The following ARHGAP24 variants were observed in gnomAD, a reference collection of about 807,000 sequenced individuals.
The protein encoded by ARHGAP24 is Rho GTPase activating protein 24, also known as rho GTPase-activating protein 24.
Under a neutral mutation model 76.4 loss-of-function variants are expected in ARHGAP24, and 50 were observed. That is an observed-to-expected ratio of 0.65 (90% CI 0.52 to 0.83). The LOEUF (loss-of-function observed/expected upper bound fraction) is 0.83, where lower values mean the gene tolerates loss of function less well. ARHGAP24 is among the 40% of genes least tolerant of loss of function. The pLI, the probability that ARHGAP24 is intolerant of heterozygous loss-of-function variation, is 0.00. For synonymous variants in ARHGAP24, 345 were observed against 323.3 expected, an observed-to-expected ratio of 1.07 and a Z score of -0.72; for missense variants, 930 against 914.2, an observed-to-expected ratio of 1.02 and a Z score of -0.22.
At chr4:85,806,192 A>G (rs1728784104) in intron 3 of ARHGAP24, among the ~76,000 whole-genome samples, 1 of 152,152 alleles carries the variant, frequency 6.6e-6, no homozygotes, top group Non-Finnish European at 1.5e-5. Flanking sequence ...GACCTCAAAG[A>G]GTGATAAATT....
At chr4:85,867,082 T>C (rs1464457203) in intron 3 of ARHGAP24, among the ~76,000 whole-genome samples, 1 of 152,172 alleles carries the variant, frequency 6.6e-6, no homozygotes, top group Non-Finnish European at 1.5e-5. Context: ...CTTTTCAGCA[T>C]ACTAGACAGG....
chr4:85,772,690 G>A lies in ARHGAP24; in HGVS notation c.268+50718G>A, dbSNP rs189443016. Among the ~76,000 whole-genome samples the A allele has an allele frequency of 6.6e-5, 10 of 152,288 alleles. No homozygotes were observed. In the East Asian group the frequency reaches 1.9e-3, roughly 29 times the overall value. On this transcript the variant is annotated intron_variant, in intron 3 of 9. Coordinates refer to ENST00000395184, the MANE Select transcript of ARHGAP24 (RefSeq NM_001025616.3). The stretch of plus-strand genomic sequence containing the variant: ...GAATTTGATGAAAGATTTGTACTTT[G>A]CAAAGTAGCTAAACATGTAGTTCCA...
chr4:85,936,066 C>T (rs1173572649), intron 4 of ARHGAP24, among the ~76,000 whole-genome samples: 1 of 152,016 alleles, frequency 6.6e-6, no homozygotes, highest in East Asian at 1.9e-4. Context: ...TTTGATTTGC[C>T]CATTTGCTAT....
At chr4:85,790,349 CA>C (rs1379221151) in intron 3 of ARHGAP24, among the ~76,000 whole-genome samples, 1 of 152,020 alleles carries the variant, frequency 6.6e-6, no homozygotes, top group Non-Finnish European at 1.5e-5. Context: ...TATCTTGCAC[CA>C]AAACATTGAG....
At chr4:85,564,005 C>G (rs887188433) in intron 1 of ARHGAP24, among the ~76,000 whole-genome samples, 2 of 152,154 alleles carry the variant, frequency 1.3e-5, no homozygotes, top group African/African-American at 2.4e-5. Context: ...AAATCTATCA[C>G]TCCACTGATT....
intron 2 of ARHGAP24, among the ~76,000 whole-genome samples, chr4:85,589,769 A>T (rs1329717697): frequency 6.6e-6 from 1 of 152,248 alleles, no homozygotes; most frequent in Non-Finnish European, 1.5e-5. Flanking sequence ...TTTAATAAAT[A>T]TGTGCAGTAC....
At position 85,487,669 on chromosome 4, in the gene ARHGAP24, C is replaced by CATATATTTATTATATTATATAAAT. The variant is rs1560505593; in HGVS notation, c.-21+12145_-21+12168dup. 7.2e-4 allele frequency among the ~76,000 whole-genome samples: 70 copies of CATATATTTATTATATTATATAAAT among 97,232 alleles called. 1 individual carries two copies. The highest frequency in any genetic ancestry group is 4.2e-3 in the Admixed American group (27 of 6,386). 63.8% of individuals were successfully genotyped at this position (97,232 alleles called of 152,430 possible). ...ATATATTTATTACATATTATATAAA[C>CATATATTTATTATATTATATAAAT]ATATATTTATTATATTATATAAATA... On this transcript the variant is annotated intron_variant, in intron 1 of 9. Coordinates refer to ENST00000395184, the MANE Select transcript of ARHGAP24 (RefSeq NM_001025616.3).
At chr4:85,998,159 G>T (rs1740792416) in intron 9 of ARHGAP24, among the ~76,000 whole-genome samples, 1 of 152,108 alleles carries the variant, frequency 6.6e-6, no homozygotes, top group Middle Eastern at 3.4e-3. Flanking sequence ...AATAATTTTT[G>T]AGAAAGATAC....
intron 5 of ARHGAP24, among the ~76,000 whole-genome samples, chr4:85,962,268 A>G (rs1017139677): frequency 6.6e-6 from 1 of 152,144 alleles, no homozygotes; most frequent in Non-Finnish European, 1.5e-5. Context: ...TTTGTGTATC[A>G]GGAATCAAAG....
At position 85,678,639 on chromosome 4, in the gene ARHGAP24, G is replaced by A. The variant is rs79804326; in HGVS notation, c.181-43246G>A. Among the ~76,000 whole-genome samples the A allele has an allele frequency of 7.5e-4, 114 of 152,252 alleles. 1 individual carries two copies. In the East Asian group the frequency reaches 0.02, roughly 27 times the overall value. ...GGCAGTCAGGTTGAAAAAATGATCT[G>A]TAAAGTCAGCATCAATGTATCAGAC... On this transcript the variant is annotated intron_variant, in intron 2 of 9. Transcript: ENST00000395184.
chr4:85,851,924 G>T (rs1481775770), intron 3 of ARHGAP24, among the ~76,000 whole-genome samples: 1 of 152,082 alleles, frequency 6.6e-6, no homozygotes. Context: ...ACAATTATGT[G>T]TCTGGGGGTT....
chr4:85,823,285 T>G (rs976753560), intron 3 of ARHGAP24, among the ~76,000 whole-genome samples: 1 of 152,214 alleles, frequency 6.6e-6, no homozygotes, highest in Non-Finnish European at 1.5e-5. Flanking sequence ...AAAATTCGGA[T>G]CATATTGTAC....
At chr4:85,512,667 T>C (rs1241312854) in intron 1 of ARHGAP24, among the ~76,000 whole-genome samples, 1 of 152,202 alleles carries the variant, frequency 6.6e-6, no homozygotes, top group Non-Finnish European at 1.5e-5. Flanking sequence ...AAGTGATATT[T>C]ATAGAGCCAG....
chr4:85,706,157 A>G (rs1487951999), intron 2 of ARHGAP24, among the ~76,000 whole-genome samples: 1 of 152,220 alleles, frequency 6.6e-6, no homozygotes, highest in Non-Finnish European at 1.5e-5. Context: ...TAGGGGGATG[A>G]ACTGAGTAAC....
chr4:85,780,757 A>C (rs1344514284), intron 3 of ARHGAP24, among the ~76,000 whole-genome samples: 1 of 152,220 alleles, frequency 6.6e-6, no homozygotes, highest in African/African-American at 2.4e-5. Flanking sequence ...GGACATAGAC[A>C]CAGTGACATC....
At chr4:85,645,196 T>C (rs1401096702) in intron 2 of ARHGAP24, among the ~76,000 whole-genome samples, 2 of 152,194 alleles carry the variant, frequency 1.3e-5, no homozygotes, top group Admixed American at 6.5e-5. Flanking sequence ...AAGTTTGTCA[T>C]TTAAAACAAA....
At chr4:85,671,532 G>C (rs1285802283) in intron 2 of ARHGAP24, among the ~76,000 whole-genome samples, 1 of 152,190 alleles carries the variant, frequency 6.6e-6, no homozygotes, top group Non-Finnish European at 1.5e-5. Flanking sequence ...ATTCAACAAA[G>C]TTTGTGGTTG....
At chr4:85,640,736 A>T (rs1054394809) in intron 2 of ARHGAP24, among the ~76,000 whole-genome samples, 1 of 152,150 alleles carries the variant, frequency 6.6e-6, no homozygotes, top group Non-Finnish European at 1.5e-5. Flanking sequence ...ATATGTAATT[A>T]TCTCCTCTTT....
intron 3 of ARHGAP24, among the ~76,000 whole-genome samples, chr4:85,866,675 G>C (rs1480159575): frequency 1.3e-5 from 2 of 152,096 alleles, no homozygotes; most frequent in African/African-American, 4.8e-5. Flanking sequence ...CACTCATCCT[G>C]TTCTCTGCTC....
Sources: allele counts gnomAD v4.1 joint callset (sites outside exome capture counted in the v4.1 genomes callset), GRCh38; gene constraint gnomAD v4.1.1; transcripts MANE v1.5; gene names NCBI Gene and HGNC (gene_info 2026-07-23, HGNC 2026-07-21).